Variants in CCSER1 observed in about 807,000 individuals in gnomAD.
CCSER1 encodes serine-rich coiled-coil domain-containing protein 1.
CCSER1 carries 41 observed loss-of-function variants against 82.0 expected under a neutral mutation model. The ratio of observed to expected loss-of-function variants is 0.50; its 90% CI spans 0.39 to 0.65. The LOEUF is 0.65. Ranked by LOEUF, CCSER1 falls within the 30% of genes least tolerant of loss-of-function variation. The pLI is 0.00. For missense variants in CCSER1, 1,119 were observed against 1,064.2 expected (o/e 1.05, Z -0.72); for synonymous variants, 414 against 383.9 (o/e 1.08, Z -0.92).
intron 5 of CCSER1, among the ~76,000 whole-genome samples, chr4:90,611,414 T>C (rs1223341862): frequency 6.6e-6 from 1 of 152,098 alleles, no homozygotes; most frequent in Non-Finnish European, 1.5e-5. Flanking sequence ...CTTTAGTCCT[T>C]TGAAGCCTTG....
At chr4:90,766,038 A>G (rs909329403) in intron 7 of CCSER1, among the ~76,000 whole-genome samples, 1 of 147,354 alleles carries the variant, frequency 6.8e-6, no homozygotes, top group Non-Finnish European at 1.5e-5. Flanking sequence ...GCATTGTAGG[A>G]AAAAAAAGGG....
At chr4:91,356,645 A>G (rs1294369926) in intron 10 of CCSER1, among the ~76,000 whole-genome samples, 1 of 152,188 alleles carries the variant, frequency 6.6e-6, no homozygotes, top group Admixed American at 6.5e-5. Flanking sequence ...AAAGTCCACC[A>G]CAATACCACC....
At chr4:90,302,068 A>C (rs1010716028) in intron 1 of CCSER1, among the ~76,000 whole-genome samples, 1 of 152,216 alleles carries the variant, frequency 6.6e-6, no homozygotes, top group Non-Finnish European at 1.5e-5. Flanking sequence ...CCTCAGGATT[A>C]TAAGATTTAT....
At chr4:90,781,660 A>G (rs765958393) in intron 7 of CCSER1, 1 of 972,804 alleles carries the variant, frequency 1.0e-6, no homozygotes, top group Non-Finnish European at 1.2e-6. Flanking sequence ...CTTTACATGT[A>G]TTAAGCAATC....
At chr4:90,462,488 G>A (rs112943016) in intron 4 of CCSER1, among the ~76,000 whole-genome samples, 3,466 of 152,262 alleles carry the variant, frequency 0.023, 66 homozygotes, top group Non-Finnish European at 0.034. Flanking sequence ...GACTTTACAT[G>A]TAGAGAAGAT....
intron 8 of CCSER1, among the ~76,000 whole-genome samples, chr4:90,852,775 A>T (rs62311123): frequency 0.16 from 23,915 of 152,192 alleles, 2,350 homozygotes; most frequent in Non-Finnish European, 0.22. Context: ...TTACAAGCAA[A>T]TAATTAATTG....
intron 3 of CCSER1, among the ~76,000 whole-genome samples, chr4:90,381,898 T>C (rs1749268916): frequency 6.6e-6 from 1 of 152,128 alleles, no homozygotes; most frequent in African/African-American, 2.4e-5. Flanking sequence ...TCCACTAATT[T>C]ATATATTAAT....
intron 9 of CCSER1, among the ~76,000 whole-genome samples, chr4:91,045,157 A>T (rs375517293): frequency 6.6e-6 from 1 of 152,168 alleles, no homozygotes; most frequent in East Asian, 1.9e-4. Flanking sequence ...ATTCACACTC[A>T]TCTTGAAATT....
chr4:90,489,966 G>C (rs1015938302), intron 5 of CCSER1, among the ~76,000 whole-genome samples: 1 of 152,146 alleles, frequency 6.6e-6, no homozygotes, highest in African/African-American at 2.4e-5. Flanking sequence ...ATTTTGAATA[G>C]TGCCGCAATA....
intron 8 of CCSER1, among the ~76,000 whole-genome samples, chr4:90,877,306 G>A (rs1032610256): frequency 2.0e-5 from 3 of 152,038 alleles, no homozygotes; most frequent in Admixed American, 6.6e-5. Flanking sequence ...TAACTCTCTT[G>A]TGTACCAGTA....
intron 10 of CCSER1, among the ~76,000 whole-genome samples, chr4:91,109,635 T>C (rs1268162911): frequency 1.3e-5 from 2 of 152,094 alleles, no homozygotes; most frequent in African/African-American, 2.4e-5. Flanking sequence ...TTGAAAATAA[T>C]AGTTCAAGAG....
intron 7 of CCSER1, among the ~76,000 whole-genome samples, chr4:90,745,770 A>C (rs1469360073): frequency 7.1e-6 from 1 of 140,296 alleles, no homozygotes; most frequent in Non-Finnish European, 1.5e-5. Flanking sequence ...GCTCACTGCA[A>C]GCTCCGCCTC....
At chr4:91,287,189 A>C (rs1743339655) in intron 10 of CCSER1, among the ~76,000 whole-genome samples, 1 of 151,882 alleles carries the variant, frequency 6.6e-6, no homozygotes, top group South Asian at 2.1e-4. Context: ...TCATGAACAC[A>C]AAAAATTCAA....
chr4:90,298,199 A>G (rs911021019), intron 1 of CCSER1, among the ~76,000 whole-genome samples: 2 of 152,034 alleles, frequency 1.3e-5, no homozygotes, highest in African/African-American at 2.4e-5. Flanking sequence ...CAGAGATTCA[A>G]CTTCTTCCTG....
chr4:90,398,839 G>C (rs1408555675), intron 3 of CCSER1, among the ~76,000 whole-genome samples: 3 of 152,104 alleles, frequency 2.0e-5, no homozygotes, highest in Non-Finnish European at 4.4e-5. Flanking sequence ...TGGATCCCAC[G>C]TGTTTTTAAA....
intron 10 of CCSER1, among the ~76,000 whole-genome samples, chr4:91,102,767 T>C (rs536111706): frequency 1.3e-5 from 2 of 152,226 alleles, no homozygotes; most frequent in Non-Finnish European, 2.9e-5. Context: ...ACTATGTCAA[T>C]TAATATAAAA....
intron 10 of CCSER1, among the ~76,000 whole-genome samples, chr4:91,584,892 CAT>C (rs374680159): frequency 7.2e-4 from 109 of 151,552 alleles, no homozygotes; most frequent in African/African-American, 2.4e-3. Flanking sequence ...GTTTGTGACA[CAT>C]GTCTTCCTTC....
At chr4:90,580,939 G>A (rs1452087151) in intron 5 of CCSER1, among the ~76,000 whole-genome samples, 1 of 152,098 alleles carries the variant, frequency 6.6e-6, no homozygotes, top group East Asian at 1.9e-4. Context: ...GATTAATTGT[G>A]TGTTTTATTT....
At chr4:90,257,811 T>C (rs1419318128) in intron 1 of CCSER1, among the ~76,000 whole-genome samples, 1 of 152,078 alleles carries the variant, frequency 6.6e-6, no homozygotes, top group African/African-American at 2.4e-5. Flanking sequence ...GACAGTCAAG[T>C]AGAGGAGTGA....
Sources: allele counts gnomAD v4.1 joint callset (sites outside exome capture counted in the v4.1 genomes callset), GRCh38; gene constraint gnomAD v4.1.1; transcripts MANE v1.5; gene names NCBI Gene and HGNC (gene_info 2026-07-23, HGNC 2026-07-21).